MBNL3: variants seen among roughly 807,000 people sequenced by gnomAD.
MBNL3 encodes the protein muscleblind like splicing regulator 3.
Under a neutral mutation model 24.5 loss-of-function variants are expected in MBNL3, and 6 were observed. The ratio of observed to expected loss-of-function variants is 0.25; its 90% CI spans 0.13 to 0.48. The LOEUF is 0.48. Among genes scored for constraint, MBNL3 ranks in the 20% least tolerant of loss-of-function variants. The pLI, the probability that MBNL3 is intolerant of heterozygous loss-of-function variation, is 0.99. For missense variants in MBNL3, 230 were observed against 293.5 expected (o/e 0.78, Z 1.58); for synonymous variants, 100 against 101.7 (o/e 0.98, Z 0.10).
At chrX:132,489,706 C>T (rs1266535482), upstream of MBNL3, 1 of 15 alleles carries the variant, frequency 0.067, no homozygotes, top group African/African-American at 0.17. Context: ...CTCCGCGGGC[C>T]AGCGGAGCGC....
At chrX:132,451,287 G>A (rs901596100) in intron 1 of MBNL3, among the ~76,000 whole-genome samples, 3 of 112,375 alleles carry the variant, frequency 2.7e-5, no homozygotes, top group East Asian at 2.8e-4. Context: ...CTTCTGCCAG[G>A]TGCTCTGTCC....
chrX:132,409,021 TGA>T, intron 2 of MBNL3, among the ~76,000 whole-genome samples: 1 of 112,454 alleles, frequency 8.9e-6, no homozygotes. Context: ...AAACAATAGA[TGA>T]GGAGACCAAG....
rs1935114798 is a variant in MBNL3, at chrX:132,382,222, G to A, written c.1009C>T (p.Pro337Ser). The change falls in exon 8 of 9, where the codon CCT (proline) becomes TCT (serine). Residue 337 changes from proline (P) to serine (S), a missense_variant. Coordinates refer to ENST00000370853, the MANE Select transcript of MBNL3 (RefSeq NM_001386889.1). ...TPTTVSAATT[P>S]ATSVPFAAPT... The stretch of plus-strand genomic sequence containing the variant: ...GCAGCGAACGGAACGCTGGTGGCAG[G>A]TGTTGTTGCTGCAGACACAGTGGTA... 8.3e-7 allele frequency: 1 copy of A among 1,209,530 alleles called. No individual in the cohort carries two copies. The highest frequency in any genetic ancestry group is 1.8e-5 in the South Asian group (1 of 56,678).
chrX:132,424,271 A>G lies in MBNL3; in HGVS notation c.177+15164T>C, dbSNP rs1261059604. Among the ~76,000 whole-genome samples, 4 of 112,251 alleles carry G rather than the reference A, an allele frequency of 3.6e-5. No homozygotes were observed. The East Asian group carries it at 1.1e-3, about 31-fold the overall frequency. ...AGATACTATGGAAGAAATGAAGATT[A>G]TGCCATGGAAACTGCCCACAAGGAG... On this transcript the variant is annotated intron_variant, in intron 2 of 8. Coordinates refer to ENST00000370853, the MANE Select transcript of MBNL3 (RefSeq NM_001386889.1).
At chrX:132,456,095 G>T (rs1298736339) in intron 1 of MBNL3, among the ~76,000 whole-genome samples, 1 of 111,614 alleles carries the variant, frequency 9.0e-6, no homozygotes, top group Non-Finnish European at 1.9e-5. Context: ...GACCCTCCTG[G>T]CCACAGTCTG....
intron 2 of MBNL3, among the ~76,000 whole-genome samples, chrX:132,425,945 G>T (rs928432777): frequency 2.7e-5 from 3 of 111,659 alleles, no homozygotes; most frequent in African/African-American, 9.8e-5. Context: ...GCAAATATCA[G>T]CAATTTGCAG....
chrX:132,485,149 C>A (rs1947937910), intron 1 of MBNL3, among the ~76,000 whole-genome samples: 1 of 111,430 alleles, frequency 9.0e-6, no homozygotes, highest in Non-Finnish European at 1.9e-5. Context: ...TTTTTTATTT[C>A]ATTCTTAGAA....
chrX:132,447,805 G>C (rs1012545034), intron 1 of MBNL3, among the ~76,000 whole-genome samples: 12 of 112,289 alleles, frequency 1.1e-4, no homozygotes, highest in Non-Finnish European at 2.3e-4. Context: ...GGAGTGATGA[G>C]AGAGGGCATC....
chrX:132,479,032 C>T (rs187010946), intron 1 of MBNL3, among the ~76,000 whole-genome samples: 255 of 112,122 alleles, frequency 2.3e-3, no homozygotes, highest in Non-Finnish European at 3.2e-3. Flanking sequence ...GGCAGATCAC[C>T]TGAGGCAGGA....
chrX:132,417,010 T>C lies in MBNL3; in HGVS notation c.178-10618A>G, dbSNP rs746382044. On this transcript the variant is annotated intron_variant, in intron 2 of 8. Coordinates refer to ENST00000370853, the MANE Select transcript of MBNL3 (RefSeq NM_001386889.1). ...CAAGTATGTTAAGTTTCATCCAAAA[T>C]GTAACTTTCATTTTGGGATGAAATG... Among the ~76,000 whole-genome samples, 5 of 112,207 alleles carry C rather than the reference T, an allele frequency of 4.5e-5. No homozygotes were observed. The South Asian group carries it at 1.9e-3, about 42-fold the overall frequency.
At chrX:132,440,452 A>T (rs1330925024) in intron 1 of MBNL3, among the ~76,000 whole-genome samples, 138 bp from the exon 2 acceptor site, 3 of 112,408 alleles carry the variant, frequency 2.7e-5, no homozygotes, top group Non-Finnish European at 5.6e-5. Flanking sequence ...TAGTACAGTC[A>T]GCCATTGTCA....
intron 2 of MBNL3, among the ~76,000 whole-genome samples, chrX:132,429,660 C>T (rs944331012): frequency 1.8e-5 from 2 of 112,091 alleles, no homozygotes; most frequent in Non-Finnish European, 3.8e-5. Flanking sequence ...CCACGCCTTA[C>T]TTTATAGTGC....
intron 2 of MBNL3, among the ~76,000 whole-genome samples, chrX:132,419,445 G>A (rs1943592540): frequency 8.9e-6 from 1 of 112,065 alleles, no homozygotes; most frequent in Non-Finnish European, 1.9e-5. Context: ...GTTGAGTGCT[G>A]TAGGTTCGAC....
intron 2 of MBNL3, chrX:132,431,710 G>C (rs1265007865): frequency 2.7e-5 from 3 of 111,923 alleles, no homozygotes; most frequent in Non-Finnish European, 5.6e-5. Context: ...TCCCAAGACA[G>C]AGCTAGGAAA....
At chrX:132,415,433 G>C (rs1234676695) in intron 2 of MBNL3, among the ~76,000 whole-genome samples, 1 of 111,660 alleles carries the variant, frequency 9.0e-6, no homozygotes, top group Non-Finnish European at 1.9e-5. Context: ...ATCTTTGCAG[G>C]GCTCAGTGTG....
intron 2 of MBNL3, chrX:132,430,701 T>G (rs1020832634): frequency 8.9e-6 from 1 of 112,219 alleles, no homozygotes; most frequent in Non-Finnish European, 1.9e-5. Flanking sequence ...TTATCACTCA[T>G]TATGTTAACC....
At chrX:132,474,162 AGTT>A (rs1249258055) in intron 1 of MBNL3, among the ~76,000 whole-genome samples, 2 of 111,790 alleles carry the variant, frequency 1.8e-5, no homozygotes, top group African/African-American at 6.5e-5. Context: ...GAAAAACTGA[AGTT>A]GTCAGACGCA....
chrX:132,404,213 T>C (rs1941418483), intron 3 of MBNL3, among the ~76,000 whole-genome samples: 2 of 112,314 alleles, frequency 1.8e-5, no homozygotes, highest in African/African-American at 6.5e-5. Flanking sequence ...CTGTACACTT[T>C]AAAATATACA....
At chrX:132,408,611 C>G (rs1226460138) in intron 2 of MBNL3, among the ~76,000 whole-genome samples, 1 of 111,624 alleles carries the variant, frequency 9.0e-6, no homozygotes, top group East Asian at 2.8e-4. Context: ...ACATTTCCTG[C>G]CAATATACAG....
Sources: gnomAD v4.1 joint callset for allele counts (sites outside exome capture counted in the v4.1 genomes callset) on GRCh38, gnomAD v4.1.1 for gene constraint, MANE v1.5 for transcripts, NCBI Gene and HGNC (gene_info 2026-07-23, HGNC 2026-07-21) for gene names.